ANO2: variants seen among roughly 807,000 people sequenced by gnomAD.
ANO2 encodes the protein anoctamin 2.
In ANO2, 101 loss-of-function variants were observed where a neutral mutation model predicts 124.2. The observed-to-expected ratio is 0.81, with a 90% CI of 0.69 to 0.96. The LOEUF (loss-of-function observed/expected upper bound fraction) is 0.96, where lower values mean the gene tolerates loss of function less well. ANO2 is among the 40% of genes least tolerant of loss of function. ANO2 has a pLI of 0.00. For synonymous variants in ANO2, 486 were observed against 482.5 expected (o/e 1.01, Z -0.09); for missense variants, 1,293 against 1,274.5 (o/e 1.01, Z -0.22).
chr12:5,678,948 T>C (rs714328), intron 14 of ANO2, among the ~76,000 whole-genome samples: 76,200 of 152,050 alleles, frequency 0.5, 21,062 homozygotes, highest in Middle Eastern at 0.62. Context: ...CAGAAAAGCA[T>C]GCGAGTGGGT....
chr12:5,728,217 C>G (rs920798958), intron 14 of ANO2, among the ~76,000 whole-genome samples: 5 of 152,106 alleles, frequency 3.3e-5, no homozygotes, highest in African/African-American at 1.2e-4. Context: ...GTAAAACTAT[C>G]ACTATTCACA....
At chr12:5,797,138 A>G (rs1952887199) in intron 10 of ANO2, among the ~76,000 whole-genome samples, 1 of 152,228 alleles carries the variant, frequency 6.6e-6, no homozygotes, top group Non-Finnish European at 1.5e-5. Context: ...GGAGGGTGCC[A>G]TGCATGGTAG....
chr12:5,766,841 G>A (rs1951907706), intron 10 of ANO2, among the ~76,000 whole-genome samples: 1 of 152,190 alleles, frequency 6.6e-6, no homozygotes, highest in Admixed American at 6.5e-5. Context: ...AGACTAAGCT[G>A]CGAGGTGAGT....
intron 23 of ANO2, among the ~76,000 whole-genome samples, chr12:5,573,446 C>A (rs936594072): frequency 6.6e-6 from 1 of 152,162 alleles, no homozygotes; most frequent in East Asian, 1.9e-4. Context: ...GAGGTGGAGA[C>A]CTGCGCTCTT....
intron 3 of ANO2, among the ~76,000 whole-genome samples, chr12:5,912,105 A>T (rs1166039244): frequency 6.6e-6 from 1 of 152,144 alleles, no homozygotes; most frequent in African/African-American, 2.4e-5. Context: ...CTCCAGAAGC[A>T]CCCTGTCAGT....
chr12:5,882,677 G>T (rs1938583323), intron 3 of ANO2, among the ~76,000 whole-genome samples: 1 of 152,198 alleles, frequency 6.6e-6, no homozygotes, highest in Admixed American at 6.5e-5. Context: ...GTCTGAAAGA[G>T]CAATTAGGAG....
chr12:5,706,184 TC>T (rs751713345), intron 14 of ANO2, among the ~76,000 whole-genome samples: 8 of 152,328 alleles, frequency 5.3e-5, no homozygotes, highest in Non-Finnish European at 8.8e-5. Flanking sequence ...TATTTTCTCC[TC>T]GCAAAACCTC....
intron 20 of ANO2, among the ~76,000 whole-genome samples, chr12:5,591,924 G>A (rs1943413908): frequency 6.6e-6 from 1 of 152,174 alleles, no homozygotes; most frequent in Admixed American, 6.5e-5. Context: ...TGGAGTTGAG[G>A]TCAGAGCCAA....
At chr12:5,597,263 T>C (rs1943709581) in intron 20 of ANO2, among the ~76,000 whole-genome samples, 1 of 152,118 alleles carries the variant, frequency 6.6e-6, no homozygotes, top group African/African-American at 2.4e-5. Flanking sequence ...CCCCACCCTC[T>C]GATGGGCCCC....
At chr12:5,860,008 T>C (rs1016142116) in intron 3 of ANO2, among the ~76,000 whole-genome samples, 4 of 152,172 alleles carry the variant, frequency 2.6e-5, no homozygotes, top group African/African-American at 9.7e-5. Flanking sequence ...TCTCTAAAGT[T>C]AACTCAACAG....
intron 16 of ANO2, among the ~76,000 whole-genome samples, chr12:5,617,875 AC>A (rs1036964338): frequency 1.3e-5 from 2 of 152,228 alleles, no homozygotes; most frequent in African/African-American, 4.8e-5. Flanking sequence ...AACTACCCAC[AC>A]CCACGCCCTT....
intron 16 of ANO2, among the ~76,000 whole-genome samples, chr12:5,632,875 T>C (rs1045808780): frequency 5.3e-5 from 8 of 152,316 alleles, no homozygotes; most frequent in African/African-American, 1.9e-4. Context: ...CCCTACTTCC[T>C]GCCCGCACAC....
chr12:5,584,775 C>T (rs114777085), intron 20 of ANO2, among the ~76,000 whole-genome samples: 2,411 of 152,256 alleles, frequency 0.016, 76 homozygotes, highest in African/African-American at 0.054. Flanking sequence ...AGAAAAGGCA[C>T]GAGCTATTTT....
intron 11 of ANO2, 35 bp from the exon 12 acceptor site, chr12:5,744,352 C>T (rs776961759): frequency 2.5e-6 from 4 of 1,612,204 alleles, no homozygotes; most frequent in Non-Finnish European, 3.4e-6. Context: ...TCAGGTGGAG[C>T]TCAAGCATGG....
intron 23 of ANO2, among the ~76,000 whole-genome samples, chr12:5,566,211 C>T (rs1366554096): frequency 1.3e-5 from 2 of 152,202 alleles, no homozygotes; most frequent in South Asian, 4.1e-4. Context: ...CTGATCCAGA[C>T]CAAGCTGGAG....
chr12:5,906,850 T>G (rs914639122), intron 3 of ANO2, among the ~76,000 whole-genome samples: 6 of 151,440 alleles, frequency 4.0e-5, no homozygotes, highest in African/African-American at 1.5e-4. Flanking sequence ...AAAAATAAAT[T>G]AGAAAGACAC....
intron 3 of ANO2, among the ~76,000 whole-genome samples, chr12:5,893,736 T>C (rs143725337): frequency 0.013 from 1,975 of 150,860 alleles, 10 homozygotes; most frequent in African/African-American, 0.021. Flanking sequence ...TGAGAACACG[T>C]GGTGTTTGGT....
At position 5,939,728 on chromosome 12, in the gene ANO2, G is replaced by T. The variant is rs1292548996; in HGVS notation, c.22+5468C>A. On this transcript the variant is annotated intron_variant, in intron 1 of 24. Transcript: ENST00000682330. The stretch of plus-strand genomic sequence containing the variant: ...GCGCATGGAAGAACAGGCATGGAAG[G>T]CTTCCAGGGGCCAGGGCCAGAAGTA... Among the ~76,000 whole-genome samples, 7 of 152,326 alleles carry T rather than the reference G, an allele frequency of 4.6e-5. No homozygotes were observed. The East Asian group carries it at 9.6e-4, about 21-fold the overall frequency.
intron 20 of ANO2, among the ~76,000 whole-genome samples, chr12:5,590,131 T>C (rs1472520646): frequency 6.6e-6 from 1 of 152,138 alleles, no homozygotes; most frequent in Non-Finnish European, 1.5e-5. Context: ...GTCCAACCCC[T>C]GGCCCATGGG....
Sources: allele counts gnomAD v4.1 joint callset (sites outside exome capture counted in the v4.1 genomes callset), GRCh38; gene constraint gnomAD v4.1.1; transcripts MANE v1.5; gene names NCBI Gene and HGNC (gene_info 2026-07-23, HGNC 2026-07-21).